Variants in RPS6KB1 observed in about 807,000 individuals in gnomAD.
The protein encoded by RPS6KB1 is ribosomal protein S6 kinase B1.
RPS6KB1 carries 12 observed loss-of-function variants against 70.2 expected under a neutral mutation model. The observed-to-expected ratio is 0.17, with a 90% CI of 0.11 to 0.28. The LOEUF is 0.28. Ranked by LOEUF, RPS6KB1 falls within the 10% of genes least tolerant of loss-of-function variation. The pLI is 1.00. For missense variants in RPS6KB1, 270 were observed against 646.6 expected, an observed-to-expected ratio of 0.42 and a Z score of 6.32; for synonymous variants, 175 against 211.2, an observed-to-expected ratio of 0.83 and a Z score of 1.49.
chr17:59,900,226 A>C (rs1185239046), intron 1 of RPS6KB1, among the ~76,000 whole-genome samples: 29 of 140,032 alleles, frequency 2.1e-4, no homozygotes, highest in African/African-American at 6.9e-4. Flanking sequence ...ACACACACAC[A>C]CACACCCCTA....
intron 4 of RPS6KB1, among the ~76,000 whole-genome samples, chr17:59,916,568 T>A (rs142183435): frequency 6.6e-6 from 1 of 152,248 alleles, no homozygotes; most frequent in African/African-American, 2.4e-5. Context: ...TGATCAGGCT[T>A]ATAAGATAAT....
At chr17:59,918,422 T>C (rs1312521125) in intron 4 of RPS6KB1, among the ~76,000 whole-genome samples, 1 of 152,046 alleles carries the variant, frequency 6.6e-6, no homozygotes, top group East Asian at 1.9e-4. Flanking sequence ...CAGGTTTGAG[T>C]GCAGTGGTGC....
chr17:59,921,871 T>C (rs938420080), intron 4 of RPS6KB1, among the ~76,000 whole-genome samples: 1 of 152,296 alleles, frequency 6.6e-6, no homozygotes, highest in Admixed American at 6.5e-5. Flanking sequence ...ACAATAACTT[T>C]CTCACTTTTG....
intron 1 of RPS6KB1, among the ~76,000 whole-genome samples, chr17:59,902,012 TAAAAA>T (rs759292909): frequency 5.7e-5 from 3 of 53,076 alleles, no homozygotes; most frequent in African/African-American, 2.0e-4. Context: ...AACCTGTCTC[TAAAAA>T]AAAAAAAAAA....
chr17:59,908,898 G>A (rs1376415220), intron 1 of RPS6KB1, among the ~76,000 whole-genome samples: 5 of 137,178 alleles, frequency 3.6e-5, no homozygotes, highest in African/African-American at 1.4e-4. Flanking sequence ...GATTACAAGC[G>A]TGAGCCACCG....
intron 1 of RPS6KB1, among the ~76,000 whole-genome samples, chr17:59,894,722 A>G (rs1004321645): frequency 9.9e-5 from 15 of 152,114 alleles, no homozygotes; most frequent in African/African-American, 3.1e-4. Flanking sequence ...GTCATGGCTC[A>G]GCCTCCCAAG....
intron 4 of RPS6KB1, among the ~76,000 whole-genome samples, chr17:59,920,249 C>T (rs986267384): frequency 6.6e-6 from 1 of 152,090 alleles, no homozygotes; most frequent in African/African-American, 2.4e-5. Context: ...AACTCCTGAC[C>T]GCAGGTGATC....
At chr17:59,941,773 A>G (rs1297840702) in intron 13 of RPS6KB1, among the ~76,000 whole-genome samples, 9 of 150,894 alleles carry the variant, frequency 6.0e-5, no homozygotes, top group African/African-American at 1.7e-4. Flanking sequence ...AGCTGGGACT[A>G]TAGGCGTGCG....
intron 2 of RPS6KB1, among the ~76,000 whole-genome samples, chr17:59,911,538 G>GTTTTTT (rs1184826889): frequency 0.03 from 2,229 of 74,674 alleles, 123 homozygotes; most frequent in East Asian, 0.049. Context: ...TTTTTGTTGG[G>GTTTTTT]TTTTTTTTTT....
chr17:59,908,319 AGTT>A (rs1330781827), intron 1 of RPS6KB1, among the ~76,000 whole-genome samples: 1 of 150,762 alleles, frequency 6.6e-6, no homozygotes, highest in African/African-American at 2.4e-5. Flanking sequence ...CAGCCTCCCG[AGTT>A]GTTGGGATTA....
At chr17:59,917,279 T>C (rs2043013491) in intron 4 of RPS6KB1, among the ~76,000 whole-genome samples, 1 of 151,182 alleles carries the variant, frequency 6.6e-6, no homozygotes, top group South Asian at 2.1e-4. Context: ...CCACCAGGCC[T>C]GGCTAATAAA....
In RPS6KB1 at chr17:59,949,512, A is replaced by C. The variant is rs1271699590; in HGVS notation, c.*2724A>C. On this transcript the variant is annotated 3_prime_UTR_variant, in exon 15 of 15. Coordinates refer to ENST00000225577, the MANE Select transcript of RPS6KB1 (RefSeq NM_003161.4). ...TTTTATACATGCTGTTTTTTAATTAAAATATAATCACTGAAGTTTACTAAT... is the reference window on the plus strand; with the variant it reads ...TTTTATACATGCTGTTTTTTAATTACAATATAATCACTGAAGTTTACTAAT... The C allele has an allele frequency of 6.6e-6, 1 of 152,558 alleles. No homozygotes were observed. Among genetic ancestry groups the C allele is most frequent in the Non-Finnish European group, 1.5e-5 (1 of 67,976 alleles). 9.5% of individuals were successfully genotyped at this position (152,558 alleles called of 1,614,324 possible). A position where few individuals can be genotyped will look rare whatever the true frequency, so the allele number is the denominator to read the frequency against.
At position 59,917,560 on chromosome 17, in the gene RPS6KB1, C is replaced by G. The variant is rs571588496; in HGVS notation, c.381+2857C>G. The stretch of plus-strand genomic sequence containing the variant: ...TCAAGCGATCCTCCTGCCACAACTT[C>G]TGAGTAGCTAGGACTGCAGATGCAT... On this transcript the variant is annotated intron_variant, in intron 4 of 14. Coordinates refer to ENST00000225577, the MANE Select transcript of RPS6KB1 (RefSeq NM_003161.4). Among the ~76,000 whole-genome samples the G allele has an allele frequency of 5.9e-4, 90 of 152,164 alleles. 2 individuals carry two copies. The highest frequency in any genetic ancestry group is 1.0e-3 in the Non-Finnish European group (71 of 68,032).
chr17:59,894,516 T>G (rs1434793589), intron 1 of RPS6KB1, among the ~76,000 whole-genome samples: 1 of 152,196 alleles, frequency 6.6e-6, no homozygotes, highest in Non-Finnish European at 1.5e-5. Context: ...CCTGCCCTAC[T>G]GTTGACAAAA....
intron 1 of RPS6KB1, among the ~76,000 whole-genome samples, chr17:59,906,015 G>A (rs2042244261): frequency 1.3e-5 from 2 of 152,052 alleles, no homozygotes; most frequent in African/African-American, 2.4e-5. Context: ...GTTAATTTTT[G>A]TGTATAGTGT....
At chr17:59,943,786 C>A (rs2044751691) in intron 13 of RPS6KB1, among the ~76,000 whole-genome samples, 1 of 150,650 alleles carries the variant, frequency 6.6e-6, no homozygotes, top group South Asian at 2.1e-4. Context: ...AGGAGAATCG[C>A]TTGAACCCGG....
In RPS6KB1 at chr17:59,936,521, C is replaced by A. The variant is rs767111740; in HGVS notation, c.1099C>A (p.Pro367Thr). 6.2e-7 allele frequency: 1 copy of A among 1,613,254 alleles called. No individual in the cohort carries two copies. Among genetic ancestry groups the A allele is most frequent in the Non-Finnish European group, 8.5e-7 (1 of 1,179,282 alleles). The change falls in exon 12 of 15, where the codon CCC becomes ACC. Residue 367 changes from proline (P) to threonine (T), a missense_variant. Coordinates refer to ENST00000225577, the MANE Select transcript of RPS6KB1 (RefSeq NM_003161.4). ...AGAACTTCTGGCTCGAAAGGTGGAG[C>A]CCCCCTTTAAACCTCTGTTGGTAAG... Reference protein sequence around the residue: ...WEELLARKVEPPFKPLLQSEE... With the variant: ...WEELLARKVETPFKPLLQSEE...
intron 1 of RPS6KB1, among the ~76,000 whole-genome samples, chr17:59,903,812 A>G (rs1340609002): frequency 6.6e-6 from 1 of 152,044 alleles, no homozygotes; most frequent in East Asian, 1.9e-4. Flanking sequence ...ACATCTTTCC[A>G]TTTGCTTATT....
Position 59,893,652 on chromosome 17 carries a change from G to A in RPS6KB1, c.141+327G>A, listed in dbSNP as rs1178653012. 4.1e-6 allele frequency: 2 copies of A among 482,684 alleles called. No homozygotes were observed. The highest frequency in any genetic ancestry group is 6.0e-6 in the Non-Finnish European group (2 of 334,414). 29.9% of individuals were successfully genotyped at this position (482,684 alleles called of 1,614,324 possible). On this transcript the variant is annotated intron_variant, in intron 1 of 14. Transcript: ENST00000225577. The surrounding 1 kb of genome is among the most constrained non-coding windows in gnomAD (Gnocchi z 4.1). ...GGAGCGGGTGGCGTGAGCGTGTGTT[G>A]GGGAGACGGGGGCTGCTCTTGCTGG...
Sources: allele counts gnomAD v4.1 joint callset (sites outside exome capture counted in the v4.1 genomes callset), GRCh38; gene constraint gnomAD v4.1.1; non-coding constraint Gnocchi (gnomAD v3.1); transcripts MANE v1.5; gene names NCBI Gene and HGNC (gene_info 2026-07-23, HGNC 2026-07-21).